KIF1A: variants seen among roughly 807,000 people sequenced by gnomAD.
The protein encoded by KIF1A is kinesin-like protein KIF1A.
In KIF1A, 46 loss-of-function variants were observed where a neutral mutation model predicts 227.3. The ratio of observed to expected loss-of-function variants is 0.20; its 90% CI spans 0.16 to 0.26. The LOEUF is 0.26. KIF1A is among the 10% of genes least tolerant of loss of function. The pLI is 1.00. For missense variants in KIF1A, 1,683 were observed against 2,485.9 expected, an observed-to-expected ratio of 0.68 and a Z score of 6.87; for synonymous variants, 1,022 against 1,012.8, an observed-to-expected ratio of 1.01 and a Z score of -0.17.
intron 16 of KIF1A, 135 bp downstream of exon 16, chr2:240,769,491 GC>G: frequency 1.4e-6 from 1 of 715,172 alleles, no homozygotes; most frequent in Non-Finnish European, 2.3e-6. Context: ...GAACAGGTTT[GC>G]CCTGGGCTGG....
rs1399287889 is a variant in KIF1A at position 240,716,222 on chromosome 2, TCA to T, written c.*1140_*1141del. The T allele has an allele frequency of 6.6e-6, 1 of 152,156 alleles. No individual in the cohort carries two copies. The highest frequency in any genetic ancestry group is 6.5e-5 in the Admixed American group (1 of 15,280). 9.4% of individuals were successfully genotyped at this position (152,156 alleles called of 1,614,324 possible). A position where few individuals can be genotyped will look rare whatever the true frequency, so the allele number is the denominator to read the frequency against. On this transcript the variant is annotated 3_prime_UTR_variant, in exon 49 of 49. Coordinates refer to ENST00000498729, the MANE Select transcript of KIF1A (RefSeq NM_001244008.2). ...CCCCATGGGATTTTCTCAGTGGGAC[TCA>T]CAGAAACTCTCTGCCCTGGGAACAA...
chr2:240,737,101 G>C lies in KIF1A; in HGVS notation c.3969C>G (p.Ile1323Met). ...CTGGGTGGATGTATCCGGAAGAGAG[G>C]ATGTTGAGAGACAAGATGTTGGGGT... The part of the protein sequence containing the change: ...LIDPNILSLN[I>M]LSSGYIHPAQ... Residue 1323 changes from isoleucine (I) to methionine (M), a missense_variant, in exon 38 of 49, where the codon ATC becomes ATG. Coordinates refer to ENST00000498729, the MANE Select transcript of KIF1A (RefSeq NM_001244008.2). 6.2e-7 allele frequency: 1 copy of C among 1,613,764 alleles called. No homozygotes were observed. Among genetic ancestry groups the C allele is most frequent in the South Asian group, 1.1e-5 (1 of 91,072 alleles).
chr2:240,780,770 C>CCA (rs113684618), intron 10 of KIF1A, among the ~76,000 whole-genome samples: 5,012 of 70,936 alleles, frequency 0.071, 835 homozygotes, highest in African/African-American at 0.16. Context: ...CCACACAGCT[C>CCA]CACACACACA....
intron 38 of KIF1A, among the ~76,000 whole-genome samples, chr2:240,733,041 G>A (rs539807706): frequency 3.3e-4 from 42 of 126,906 alleles, no homozygotes; most frequent in African/African-American, 1.2e-3. Context: ...GGGGGAATGA[G>A]GGGGGGATGA....
Position 240,740,191 on chromosome 2 carries a change from G to A in KIF1A, c.3817-49C>T, listed in dbSNP as rs368641948. On this transcript the variant is annotated intron_variant, in intron 36 of 48. Transcript: ENST00000498729. The surrounding 1 kb of genome is among the most constrained non-coding windows in gnomAD (Gnocchi z 6.1). ...ATGGTCAGACGGCTCAGGGGGCTAC[G>A]TAGGGTGAGGGAGGGGGACACAGGC... The A allele has an allele frequency of 1.1e-4, 177 of 1,576,018 alleles. No individual in the cohort carries two copies. Among genetic ancestry groups the A allele is most frequent in the Non-Finnish European group, 1.4e-4 (165 of 1,154,146 alleles).
At chr2:240,765,819 G>C in intron 19 of KIF1A, 26 bp from the exon 20 acceptor site, 1 of 1,580,748 alleles carries the variant, frequency 6.3e-7, no homozygotes, top group Non-Finnish European at 8.7e-7. Context: ...GAGGGGCAGA[G>C]AGGAGGACTA....
At chr2:240,811,914 C>T (rs1356012368) in intron 1 of KIF1A, among the ~76,000 whole-genome samples, 6 of 152,120 alleles carry the variant, frequency 3.9e-5, no homozygotes, top group South Asian at 4.2e-4. Context: ...GAAGATGGCC[C>T]GAGGGCAGGA....
Position 240,740,053 on chromosome 2 carries a change from C to T in KIF1A, c.3901+5G>A. ...CCACCAAGGCAGCCCCCACACCGCA[C>T]TCACCCACGACCAGCTCGCGCACTT... On this transcript the variant is annotated splice_donor_5th_base_variant and intron_variant, in intron 37 of 48. Coordinates refer to ENST00000498729, the MANE Select transcript of KIF1A (RefSeq NM_001244008.2). The surrounding 1 kb of genome is among the most constrained non-coding windows in gnomAD (Gnocchi z 6.1). 1 of 1,577,422 alleles carries T rather than the reference C, an allele frequency of 6.3e-7. No individual in the cohort carries two copies. The highest frequency in any genetic ancestry group is 8.6e-7 in the Non-Finnish European group (1 of 1,161,736).
chr2:240,721,195 C>T (rs1231738568), intron 44 of KIF1A, among the ~76,000 whole-genome samples, 157 bp from the exon 45 acceptor site: 3 of 152,204 alleles, frequency 2.0e-5, no homozygotes, highest in Non-Finnish European at 4.4e-5. Flanking sequence ...CAGCTCAAGA[C>T]CCCCGGCCCC....
intron 13 of KIF1A, 144 bp downstream of exon 13, chr2:240,772,970 G>A: frequency 1.1e-6 from 1 of 877,462 alleles, no homozygotes; most frequent in Non-Finnish European, 1.7e-6. Flanking sequence ...GCCCAGAGGG[G>A]CTCTGGGAGC....
intron 38 of KIF1A, among the ~76,000 whole-genome samples, chr2:240,731,981 G>T: frequency 8.2e-6 from 1 of 121,862 alleles, no homozygotes; most frequent in Non-Finnish European, 1.8e-5. Context: ...ACTAGGAGAG[G>T]AGCCAATGAG....
intron 10 of KIF1A, among the ~76,000 whole-genome samples, chr2:240,780,483 C>G (rs935281545): frequency 2.0e-5 from 3 of 152,090 alleles, no homozygotes; most frequent in Non-Finnish European, 4.4e-5. Flanking sequence ...TCCCACAGTT[C>G]CCCACGCAAT....
chr2:240,717,469 GT>G, intron 48 of KIF1A, 63 bp from the exon 49 acceptor site: 1 of 1,502,754 alleles, frequency 6.7e-7, no homozygotes, highest in Non-Finnish European at 9.2e-7. Context: ...CATATCCACC[GT>G]GCCCTGCACA....
At chr2:240,718,255 G>A in intron 47 of KIF1A, 87 bp from the exon 48 acceptor site, 1 of 929,194 alleles carries the variant, frequency 1.1e-6, no homozygotes, top group African/African-American at 1.6e-5. Context: ...GGCAGGCAGG[G>A]GAGGGGCACT....
rs1246495145 is a variant in KIF1A at position 240,725,177 on chromosome 2, G to T, written c.4256+94C>A. 7.3e-7 allele frequency: 1 copy of T among 1,367,006 alleles called. No homozygotes were observed. The highest frequency in any genetic ancestry group is 1.0e-6 in the Non-Finnish European group (1 of 998,340). 84.7% of individuals were successfully genotyped at this position (1,367,006 alleles called of 1,614,324 possible). On this transcript the variant is annotated intron_variant, in intron 40 of 48. Coordinates refer to ENST00000498729, the MANE Select transcript of KIF1A (RefSeq NM_001244008.2). This position sits in a 1 kb window ranked among gnomAD's most constrained non-coding sequence, Gnocchi z 5.8. The stretch of plus-strand genomic sequence containing the variant: ...TGGGCCTCGCACAGGGTGAGCTGCC[G>T]GGTGGCCCAAGGACCGCTGCCAGGC...
intron 10 of KIF1A, chr2:240,781,731 C>T (rs1450869868): frequency 2.0e-6 from 2 of 983,924 alleles, no homozygotes; most frequent in African/African-American, 3.5e-5. Flanking sequence ...CGCTTCCTCT[C>T]CCGTTCCCAC....
Position 240,757,636 on chromosome 2 carries a change from G to A in KIF1A, c.2583-42C>T, listed in dbSNP as rs544682186. 70 of 1,539,458 alleles carry A rather than the reference G, an allele frequency of 4.5e-5. No homozygotes were observed. The South Asian group carries it at 5.2e-4, about 11-fold the overall frequency. The stretch of plus-strand genomic sequence containing the variant: ...AAGACAGAGAGAAGTTAACACCAGC[G>A]ACTCGCAGGGACGAACAGGGGCCGG... On this transcript the variant is annotated intron_variant, in intron 26 of 48. Coordinates refer to ENST00000498729, the MANE Select transcript of KIF1A (RefSeq NM_001244008.2). The surrounding 1 kb of genome is among the most constrained non-coding windows in gnomAD (Gnocchi z 6.2).
At chr2:240,819,375 C>T (rs1314531165) in intron 1 of KIF1A, among the ~76,000 whole-genome samples, 1 of 152,158 alleles carries the variant, frequency 6.6e-6, no homozygotes, top group South Asian at 2.1e-4. Context: ...GCTGCTGAGA[C>T]GCAGGCAGTG....
Position 240,741,288 on chromosome 2 carries a change from C to T in KIF1A, c.3730G>A (p.Glu1244Lys), listed in dbSNP as rs1276289377. 1 of 1,596,924 alleles carries T rather than the reference C, an allele frequency of 6.3e-7. No homozygotes were observed. Among genetic ancestry groups the T allele is most frequent in the Non-Finnish European group, 8.5e-7 (1 of 1,174,366 alleles). ...YDLLVYFEIC[E>K]LEANGDYIPA... ...ACTCACTCGCCGTTGGCCTCCAGCT[C>T]ACAGATCTCGAAGTAGACCAGCAGG... The change falls in exon 35 of 49, where the codon GAG becomes AAG. Residue 1244 changes from glutamate to lysine, a missense_variant. This residue lies in a region of KIF1A where 759 missense variants were observed against 1,020.2 expected (regional missense o/e 0.74). Transcript: ENST00000498729.
Sources: allele counts gnomAD v4.1 joint callset (sites outside exome capture counted in the v4.1 genomes callset), GRCh38; gene constraint gnomAD v4.1.1; regional missense constraint gnomAD v4.1.1; non-coding constraint Gnocchi (gnomAD v3.1); transcripts MANE v1.5; gene names NCBI Gene and HGNC (gene_info 2026-07-23, HGNC 2026-07-21).